The following NLRP3 variants were observed in gnomAD, a reference collection of about 807,000 sequenced individuals.
The protein encoded by NLRP3 is NACHT, LRR and PYD domains-containing protein 3.
Under a neutral mutation model 91.3 loss-of-function variants are expected in NLRP3, and 48 were observed. That is an observed-to-expected ratio of 0.53 (90% CI 0.42 to 0.67). The LOEUF (loss-of-function observed/expected upper bound fraction) is 0.67, where lower values mean the gene tolerates loss of function less well. Ranked by LOEUF, NLRP3 falls within the 30% of genes least tolerant of loss-of-function variation. The pLI, the probability that NLRP3 is intolerant of heterozygous loss-of-function variation, is 0.00. For synonymous variants in NLRP3, 561 were observed against 507.9 expected, an observed-to-expected ratio of 1.10 and a Z score of -1.41; for missense variants, 982 against 1,276.9, an observed-to-expected ratio of 0.77 and a Z score of 3.52.
chr1:247,435,955 C>G lies in NLRP3; in HGVS notation c.2493-15C>G, dbSNP rs1344437857. 6.2e-7 allele frequency: 1 copy of G among 1,613,048 alleles called. No individual in the cohort carries two copies. The highest frequency in any genetic ancestry group is 8.5e-7 in the Non-Finnish European group (1 of 1,179,686). On this transcript the variant is annotated splice_polypyrimidine_tract_variant and intron_variant, in intron 6 of 9. Transcript: ENST00000336119. ...GGTGAGAGACATGACTGACATTCTG[C>G]CATCTCTATGGAAGGTTGGTCAGCT...
rs573681441 is a variant in NLRP3 at position 247,429,765 on chromosome 1, C to A, written c.2321+10C>A. Reference sequence around the variant, plus strand: ...ACATTCGGAGATTGTGGTGAGTCCCCGTGCATGTGATCTGTGTGAGTGCAA... The same window carrying A: ...ACATTCGGAGATTGTGGTGAGTCCCAGTGCATGTGATCTGTGTGAGTGCAA... On this transcript the variant is annotated intron_variant, in intron 5 of 9. Transcript: ENST00000336119. 6.2e-7 allele frequency: 1 copy of A among 1,613,082 alleles called. No homozygotes were observed. The highest frequency in any genetic ancestry group is 1.7e-5 in the Admixed American group (1 of 60,014).
intron 5 of NLRP3, among the ~76,000 whole-genome samples, chr1:247,430,351 GC>G (rs1474318422): frequency 2.6e-5 from 4 of 152,178 alleles, no homozygotes; most frequent in Non-Finnish European, 5.9e-5. Flanking sequence ...GTGTACTGAT[GC>G]CATCTTGCCT....
Position 247,444,704 on chromosome 1 carries a change from T to G in NLRP3, c.2888T>G (p.Leu963Arg). The change falls in exon 9 of 10, where the codon CTG becomes CGG. Residue 963 changes from leucine (L) to arginine (R), a missense_variant. Leu to Arg is a moderately radical substitution (Grantham distance 102, BLOSUM62 -2). Transcript: ENST00000336119. Reference protein sequence around the residue: ...SHCCWDLSTLLTSSQSLRKLS... With the variant: ...SHCCWDLSTLRTSSQSLRKLS... ...TGCTGCTGGGATCTTTCCACACTTC[T>G]GACCTCCAGCCAGAGCCTGCGAAAG... 1 of 1,614,158 alleles carries G rather than the reference T, an allele frequency of 6.2e-7. No homozygotes were observed. Among genetic ancestry groups the G allele is most frequent in the Non-Finnish European group, 8.5e-7 (1 of 1,180,028 alleles).
chr1:247,428,925 C>T (rs1663108487), intron 4 of NLRP3, among the ~76,000 whole-genome samples: 1 of 145,760 alleles, frequency 6.9e-6, no homozygotes, highest in Non-Finnish European at 1.5e-5. Flanking sequence ...TGAAGTCTTG[C>T]TCTGTTGCCC....
chr1:247,441,572 T>C (rs1171604847), intron 7 of NLRP3, among the ~76,000 whole-genome samples: 1 of 152,188 alleles, frequency 6.6e-6, no homozygotes, highest in East Asian at 1.9e-4. Context: ...AGGTAGTTAA[T>C]AAATAAAAAT....
intron 7 of NLRP3, among the ~76,000 whole-genome samples, chr1:247,443,153 G>C (rs1389254347): frequency 6.6e-6 from 1 of 152,088 alleles, no homozygotes; most frequent in East Asian, 1.9e-4. Context: ...TTGAACTCCT[G>C]ACCTCGTGAT....
chr1:247,431,395 C>T (rs1663311440), intron 5 of NLRP3, among the ~76,000 whole-genome samples: 1 of 152,082 alleles, frequency 6.6e-6, no homozygotes, highest in South Asian at 2.1e-4. Flanking sequence ...TGCTACCTCC[C>T]TCTCCGGCTC....
intron 2 of NLRP3, among the ~76,000 whole-genome samples, chr1:247,420,306 T>C (rs776196147): frequency 1.3e-5 from 2 of 152,236 alleles, no homozygotes; most frequent in Non-Finnish European, 2.9e-5. Context: ...GTATTCTAGA[T>C]ATTAACCCCA....
rs1572172738 is a variant in NLRP3 at position 247,425,123 on chromosome 1, C to T, written c.1674C>T (p.Val558=). The T allele has an allele frequency of 6.2e-7, 1 of 1,614,138 alleles. No individual in the cohort carries two copies. Reference sequence around the variant, plus strand: ...AGCTTCCCAGCCGAGACGTGACAGTCCTTCTGGAAAACTATGGCAAATTCG... The same window carrying T: ...AGCTTCCCAGCCGAGACGTGACAGTTCTTCTGGAAAACTATGGCAAATTCG... ...RLKLPSRDVT[V]LLENYGKFEK... The change falls in exon 4 of 10, where the codon GTC becomes GTT. Residue 558 remains valine (V), a synonymous_variant. Transcript: ENST00000336119. The surrounding 1 kb of genome is among the most constrained non-coding windows in gnomAD (Gnocchi z 4.1).
Position 247,424,998 on chromosome 1 carries a change from A to G in NLRP3, c.1549A>G (p.Ser517Gly). Residue 517 changes from serine (S) to glycine (G), a missense_variant, in exon 4 of 10, where the codon AGC (serine) becomes GGC (glycine). This residue lies in a region of NLRP3 where 548 missense variants were observed against 713.7 expected (regional missense o/e 0.77). Transcript: ENST00000336119. This position sits in a 1 kb window ranked among gnomAD's most constrained non-coding sequence, Gnocchi z 8.1. ...GGAAGTGGACTGCGAGAAGTTCTAC[A>G]GCTTCATCCACATGACTTTCCAGGA... is the stretch of plus-strand genomic sequence containing the variant. ...QKEVDCEKFY[S>G]FIHMTFQEFF... The G allele has an allele frequency of 6.2e-7, 1 of 1,614,206 alleles. No homozygotes were observed. The highest frequency in any genetic ancestry group is 1.7e-5 in the Admixed American group (1 of 60,032).
chr1:247,435,882 T>C, intron 6 of NLRP3, 88 bp from the exon 7 acceptor site: 9 of 1,210,258 alleles, frequency 7.4e-6, no homozygotes, highest in South Asian at 3.6e-5. Context: ...TAAACTGGAG[T>C]AGAGGCAGTG....
intron 1 of NLRP3, 69 bp from the exon 2 acceptor site, chr1:247,417,982 CAG>C (rs1190390302): frequency 6.6e-6 from 1 of 152,264 alleles, no homozygotes; most frequent in Non-Finnish European, 1.5e-5. Flanking sequence ...CTCACAAAAA[CAG>C]AAGCAAAGAG....
intron 4 of NLRP3, among the ~76,000 whole-genome samples, chr1:247,426,708 G>C (rs1484258041): frequency 1.3e-5 from 2 of 152,230 alleles, no homozygotes; most frequent in African/African-American, 4.8e-5. Context: ...GGACAGTCCG[G>C]AAACAAGTGC....
intron 7 of NLRP3, among the ~76,000 whole-genome samples, chr1:247,438,387 T>TG (rs1558204777): frequency 2.8e-5 from 4 of 141,768 alleles, no homozygotes; most frequent in Admixed American, 7.4e-5. Context: ...TGTTTTTTTT[T>TG]TTTTTTTTTT....
At chr1:247,447,070 A>C (rs1664629154) in intron 9 of NLRP3, among the ~76,000 whole-genome samples, 2 of 152,232 alleles carry the variant, frequency 1.3e-5, no homozygotes, top group African/African-American at 4.8e-5. Context: ...AAATAGATTG[A>C]AGAATCCATG....
rs796602770 is a variant in NLRP3, at chr1:247,419,164, A to ATTTTT, written c.277+92_277+96dup. 1.4e-3 allele frequency: 976 copies of ATTTTT among 692,592 alleles called. 2 individuals are homozygous for ATTTTT. Among genetic ancestry groups the ATTTTT allele is most frequent in the African/African-American group, 0.013 (357 of 28,354 alleles). The allele number at this position is 692,592 out of a possible 1,614,324, so 42.9% of individuals were successfully genotyped here. ...CATCTTTATATATATATATATATATATTTTTTTTTGAGACGGAGTTGCTCT... is the reference window on the plus strand; with the variant it reads ...CATCTTTATATATATATATATATATATTTTTTTTTTTTTTGAGACGGAGTTGCTCT... On this transcript the variant is annotated intron_variant, in intron 2 of 9. Transcript: ENST00000336119.
At chr1:247,441,124 TTTTTCTC>T (rs972177228) in intron 7 of NLRP3, among the ~76,000 whole-genome samples, 11 of 81,858 alleles carry the variant, frequency 1.3e-4, no homozygotes, top group Non-Finnish European at 2.9e-4. Context: ...TCTCTTTTTC[TTTTTCTC>T]TTTCTTTCTT....
At chr1:247,420,994 C>T (rs982574757) in intron 2 of NLRP3, among the ~76,000 whole-genome samples, 3 of 152,242 alleles carry the variant, frequency 2.0e-5, no homozygotes, top group African/African-American at 4.8e-5. Context: ...GCCTCTGCTT[C>T]CTATGGCCCA....
At chr1:247,440,304 C>T (rs1321184330) in intron 7 of NLRP3, among the ~76,000 whole-genome samples, 1 of 152,170 alleles carries the variant, frequency 6.6e-6, no homozygotes, top group Non-Finnish European at 1.5e-5. Context: ...TGCTCCTGCC[C>T]TCTTCCTCCT....
Sources: allele counts gnomAD v4.1 joint callset (sites outside exome capture counted in the v4.1 genomes callset), GRCh38; gene constraint gnomAD v4.1.1; regional missense constraint gnomAD v4.1.1; non-coding constraint Gnocchi (gnomAD v3.1); transcripts MANE v1.5; gene names NCBI Gene and HGNC (gene_info 2026-07-23, HGNC 2026-07-21).